BMP5: variants seen among roughly 807,000 people sequenced by gnomAD.
The protein encoded by BMP5 is bone morphogenetic protein 5.
BMP5 carries 23 observed loss-of-function variants against 46.6 expected under a neutral mutation model. The ratio of observed to expected loss-of-function variants is 0.49; its 90% CI spans 0.35 to 0.70. The LOEUF is 0.70. BMP5 is among the 30% of genes least tolerant of loss of function. The pLI is 0.00. For synonymous variants in BMP5, 204 were observed against 191.9 expected, an observed-to-expected ratio of 1.06 and a Z score of -0.52; for missense variants, 545 against 565.6, an observed-to-expected ratio of 0.96 and a Z score of 0.37.
At chr6:55,874,267 G>A (rs192744498) in intron 1 of BMP5, 109 bp downstream of exon 1, 1 of 1,423,314 alleles carries the variant, frequency 7.0e-7, no homozygotes, top group East Asian at 2.3e-5. Context: ...AGGAGAGTTA[G>A]AGAAAATGTC....
At chr6:55,866,438 A>T (rs946577105) in intron 1 of BMP5, among the ~76,000 whole-genome samples, 7 of 152,228 alleles carry the variant, frequency 4.6e-5, no homozygotes, top group African/African-American at 1.7e-4. Flanking sequence ...TATGCCTGCA[A>T]CATTAACTAT....
At chr6:55,823,376 T>C (rs1006258686) in intron 1 of BMP5, among the ~76,000 whole-genome samples, 1 of 151,952 alleles carries the variant, frequency 6.6e-6, no homozygotes, top group Non-Finnish European at 1.5e-5. Context: ...GAATGAAAAA[T>C]TGCATGAATG....
intron 5 of BMP5, among the ~76,000 whole-genome samples, chr6:55,759,618 A>G (rs756639023): frequency 1.3e-5 from 2 of 151,854 alleles, no homozygotes; most frequent in Non-Finnish European, 2.9e-5. Context: ...AAGCCTTAAT[A>G]TTTTTTCTGC....
chr6:55,844,132 A>T (rs1777038811), intron 1 of BMP5, among the ~76,000 whole-genome samples: 1 of 152,012 alleles, frequency 6.6e-6, no homozygotes, highest in Non-Finnish European at 1.5e-5. Flanking sequence ...ATCCTAACAC[A>T]GCATGAGCCT....
intron 6 of BMP5, among the ~76,000 whole-genome samples, chr6:55,758,719 G>A (rs545031249): frequency 6.6e-5 from 10 of 151,948 alleles, no homozygotes; most frequent in Non-Finnish European, 1.2e-4. Flanking sequence ...GAACCTGTGT[G>A]CTTAGTCATA....
chr6:55,780,359 G>A (rs1304029487), intron 3 of BMP5, among the ~76,000 whole-genome samples: 5 of 149,398 alleles, frequency 3.3e-5, no homozygotes, highest in East Asian at 2.0e-4. Flanking sequence ...GGTGGCTCAC[G>A]CCTGTAATCC....
intron 3 of BMP5, 92 bp from the exon 4 acceptor site, chr6:55,774,335 A>G (rs1775120673): frequency 8.1e-7 from 1 of 1,241,668 alleles, no homozygotes; most frequent in African/African-American, 1.5e-5. Context: ...AAAAGGGGAA[A>G]AGTTTTAAAA....
chr6:55,836,006 T>G (rs1379465703), intron 1 of BMP5, among the ~76,000 whole-genome samples: 1 of 152,188 alleles, frequency 6.6e-6, no homozygotes, highest in Non-Finnish European at 1.5e-5. Flanking sequence ...CTTTCTTAAA[T>G]ATTAAATAAA....
At chr6:55,860,571 G>C (rs776373208) in intron 1 of BMP5, among the ~76,000 whole-genome samples, 1 of 152,132 alleles carries the variant, frequency 6.6e-6, no homozygotes, top group Non-Finnish European at 1.5e-5. Flanking sequence ...GATTGGGTAC[G>C]AGTGGCTAAA....
chr6:55,812,408 A>C (rs1056900402), intron 2 of BMP5, among the ~76,000 whole-genome samples: 2 of 152,328 alleles, frequency 1.3e-5, no homozygotes, highest in Non-Finnish European at 2.9e-5. Flanking sequence ...ACCATATTTT[A>C]AATTTGATTG....
At chr6:55,849,930 A>AT (rs1358106732) in intron 1 of BMP5, among the ~76,000 whole-genome samples, 1 of 152,030 alleles carries the variant, frequency 6.6e-6, no homozygotes, top group Non-Finnish European at 1.5e-5. Context: ...CTTACAGTAC[A>AT]TTTTCTGGTG....
At chr6:55,778,988 C>T (rs1775243761) in intron 3 of BMP5, among the ~76,000 whole-genome samples, 1 of 152,040 alleles carries the variant, frequency 6.6e-6, no homozygotes, top group Non-Finnish European at 1.5e-5. Flanking sequence ...GACTGGCAAA[C>T]CAAAGCTCTA....
chr6:55,865,971 A>G (rs1279007227), intron 1 of BMP5, among the ~76,000 whole-genome samples: 4 of 152,172 alleles, frequency 2.6e-5, no homozygotes, highest in African/African-American at 9.6e-5. Context: ...GAACCAAATG[A>G]CCCTTCTTCA....
intron 1 of BMP5, among the ~76,000 whole-genome samples, chr6:55,832,747 C>A (rs1193377804): frequency 6.6e-6 from 1 of 152,058 alleles, no homozygotes; most frequent in East Asian, 1.9e-4. Flanking sequence ...TATCTTTTTG[C>A]TCTGTCACAG....
intron 1 of BMP5, among the ~76,000 whole-genome samples, chr6:55,860,629 G>T (rs75989795): frequency 3.3e-5 from 5 of 152,166 alleles, no homozygotes. Flanking sequence ...TTAAGAAGCA[G>T]CAGGTGATGT....
At chr6:55,822,053 C>T (rs1776421710) in intron 1 of BMP5, among the ~76,000 whole-genome samples, 1 of 152,118 alleles carries the variant, frequency 6.6e-6, no homozygotes, top group African/African-American at 2.4e-5. Flanking sequence ...TCATAACAGC[C>T]TACAAGGTAG....
At position 55,871,188 on chromosome 6, in the gene BMP5, CACTT is replaced by C. The variant is rs200280890; in HGVS notation, c.490+3184_490+3187del. Among the ~76,000 whole-genome samples the C allele has an allele frequency of 7.9e-3, 1,206 of 151,866 alleles. 19 individuals carry two copies. Among genetic ancestry groups the C allele is most frequent in the African/African-American group, 0.027 (1,124 of 41,524 alleles). On this transcript the variant is annotated intron_variant, in intron 1 of 6. Coordinates refer to ENST00000370830, the MANE Select transcript of BMP5 (RefSeq NM_021073.4). Reference sequence around the variant, plus strand: ...TACTGGTATTTAATACATATACTAACACTTAGCACTTTTGACAAAGAGATGGTTA... The same window carrying C: ...TACTGGTATTTAATACATATACTAACAGCACTTTTGACAAAGAGATGGTTA...
At chr6:55,821,283 G>A (rs926024994) in intron 1 of BMP5, among the ~76,000 whole-genome samples, 4 of 152,150 alleles carry the variant, frequency 2.6e-5, no homozygotes, top group African/African-American at 9.7e-5. Context: ...CCCCAGAAAA[G>A]TGGAAGGTGG....
intron 3 of BMP5, among the ~76,000 whole-genome samples, chr6:55,785,155 T>C (rs1303062883): frequency 6.6e-6 from 1 of 151,908 alleles, no homozygotes; most frequent in Non-Finnish European, 1.5e-5. Flanking sequence ...GGATTAACTA[T>C]GTAGAATTTA....
Sources: allele counts gnomAD v4.1 joint callset (sites outside exome capture counted in the v4.1 genomes callset), GRCh38; gene constraint gnomAD v4.1.1; transcripts MANE v1.5; gene names NCBI Gene and HGNC (gene_info 2026-07-23, HGNC 2026-07-21).